The following AP3B2 variants were observed in gnomAD, a reference collection of about 807,000 sequenced individuals.
AP3B2 encodes the protein AP-3 complex subunit beta-2.
Under a neutral mutation model 126.9 loss-of-function variants are expected in AP3B2, and 50 were observed. That is an observed-to-expected ratio of 0.39 (90% CI 0.31 to 0.50). The LOEUF is 0.50. AP3B2 is among the 20% of genes least tolerant of loss of function. The pLI, the probability that AP3B2 is intolerant of heterozygous loss-of-function variation, is 0.79. For synonymous variants in AP3B2, 541 were observed against 565.0 expected, an observed-to-expected ratio of 0.96 and a Z score of 0.60; for missense variants, 1,177 against 1,426.4, an observed-to-expected ratio of 0.83 and a Z score of 2.82.
rs374804698 is a variant in AP3B2, at chr15:82,663,131, G to A, written c.2600C>T (p.Pro867Leu). ...GLTLTDSTLV[P>L]SLLSPVSGVG... ...CCCCTCCTCCATCCCACTCACCGACGGTACCAGGGTGGAGTCTGTGAGTGT... is the reference window on the plus strand; with the variant it reads ...CCCCTCCTCCATCCCACTCACCGACAGTACCAGGGTGGAGTCTGTGAGTGT... The change falls in exon 22 of 27, where the codon CCG becomes CTG. Residue 867 changes from proline to leucine, a missense_variant. Transcript: ENST00000535359. 21 of 1,609,336 alleles carry A rather than the reference G, an allele frequency of 1.3e-5. No individual in the cohort carries two copies. In the African/African-American group the frequency reaches 1.7e-4, roughly 13 times the overall value.
chr15:82,681,635 G>A lies in AP3B2; in HGVS notation c.361-55C>T, dbSNP rs2048340521. On this transcript the variant is annotated intron_variant, in intron 4 of 26. Coordinates refer to ENST00000535359, the MANE Select transcript of AP3B2 (RefSeq NM_001278512.2). This position sits in a 1 kb window ranked among gnomAD's most constrained non-coding sequence, Gnocchi z 4.0. ...AAAGGGCACCAGGTGCCCTGATGGGGGGAGGCCACACCTTTGGAAGTCACT... is the reference window on the plus strand; with the variant it reads ...AAAGGGCACCAGGTGCCCTGATGGGAGGAGGCCACACCTTTGGAAGTCACT... The A allele has an allele frequency of 6.4e-7, 1 of 1,574,036 alleles. No homozygotes were observed. The highest frequency in any genetic ancestry group is 1.1e-5 in the South Asian group (1 of 87,272).
Position 82,666,651 on chromosome 15 carries a change from G to C in AP3B2, c.1852+96C>G. Reference sequence around the variant, plus strand: ...GAGCAGGACTGTCCACAGAAGCCTGGTGCCTGGCTAGGGGCCTCAGGAAGG... The same window carrying C: ...GAGCAGGACTGTCCACAGAAGCCTGCTGCCTGGCTAGGGGCCTCAGGAAGG... On this transcript the variant is annotated intron_variant, in intron 15 of 26. Transcript: ENST00000535359. 2.2e-6 allele frequency: 3 copies of C among 1,371,396 alleles called. No individual in the cohort carries two copies. In the South Asian group the frequency reaches 4.3e-5, roughly 20 times the overall value. The allele number at this position is 1,371,396 out of a possible 1,614,324, so 85.0% of individuals were successfully genotyped here. A position where few individuals can be genotyped will look rare whatever the true frequency, so the allele number is the denominator to read the frequency against.
At position 82,682,047 on chromosome 15, in the gene AP3B2, CTT is replaced by C. The variant is rs769028602; in HGVS notation, c.361-469_361-468del. Among the ~76,000 whole-genome samples, 50 of 79,912 alleles carry C rather than the reference CTT, an allele frequency of 6.3e-4. No homozygotes were observed. In the East Asian group the frequency reaches 0.011, roughly 17 times the overall value. The allele number at this position is 79,912 out of a possible 152,430, so 52.4% of individuals were successfully genotyped here. On this transcript the variant is annotated intron_variant, in intron 4 of 26. Coordinates refer to ENST00000535359, the MANE Select transcript of AP3B2 (RefSeq NM_001278512.2). The stretch of plus-strand genomic sequence containing the variant: ...AACAAAATAGGGGTGTAGGCCCTTC[CTT>C]TTTTTTTTTTTTTTTTTTTTTGAGA...
intron 12 of AP3B2, 30 bp from the exon 13 acceptor site, chr15:82,677,413 CAA>C (rs773841346): frequency 6.3e-7 from 1 of 1,593,962 alleles, no homozygotes; most frequent in South Asian, 1.1e-5. Context: ...GTGTGGACCC[CAA>C]GACAGTCAGA....
intron 15 of AP3B2, among the ~76,000 whole-genome samples, chr15:82,666,117 A>G (rs77760817): frequency 3.9e-4 from 59 of 152,350 alleles, no homozygotes; most frequent in African/African-American, 1.3e-3. Context: ...AAAGATACCC[A>G]GAAGAACTGA....
At chr15:82,689,507 T>TA (rs1165279817) in intron 1 of AP3B2, 54 bp from the exon 2 acceptor site, 1 of 1,550,794 alleles carries the variant, frequency 6.4e-7, no homozygotes, top group African/African-American at 1.4e-5. Context: ...GATGGGGTAT[T>TA]AATCAGGAGG....
At chr15:82,694,010 G>A (rs1340996365) in intron 1 of AP3B2, among the ~76,000 whole-genome samples, 4 of 126,062 alleles carry the variant, frequency 3.2e-5, no homozygotes, top group Admixed American at 1.6e-4. Context: ...CCTTTTTTTC[G>A]TTTTTCTGTT....
At position 82,662,780 on chromosome 15, in the gene AP3B2, T is replaced by C. The variant is rs775341382; in HGVS notation, c.2747A>G (p.Asn916Ser). ...HMVSVHIHFSNSSDTPIKGLH... is the reference protein window; with the variant it reads ...HMVSVHIHFSSSSDTPIKGLH... ...GCCCTTGATGGGGGTATCAGAGCTG[T>C]TGGAGAAGTGGATGTGCACGGACAC... The change falls in exon 23 of 27, where the codon AAC becomes AGC. Residue 916 changes from asparagine (N) to serine (S), a missense_variant. Asn to Ser is a conservative substitution (Grantham distance 46). Transcript: ENST00000535359. 15 of 1,613,648 alleles carry C rather than the reference T, an allele frequency of 9.3e-6. No individual in the cohort carries two copies. Among genetic ancestry groups the C allele is most frequent in the African/African-American group, 1.3e-5 (1 of 74,894 alleles).
chr15:82,659,313 T>G lies in AP3B2; in HGVS notation c.*247A>C. 2.2e-6 allele frequency: 1 copy of G among 463,378 alleles called. No homozygotes were observed. Among genetic ancestry groups the G allele is most frequent in the Non-Finnish European group, 3.8e-6 (1 of 259,956 alleles). The allele number at this position is 463,378 out of a possible 1,614,324, so 28.7% of individuals were successfully genotyped here. Reference sequence around the variant, plus strand: ...AAGACATTTTATTGAGCCTGCTACATAAATAGCTACAGAAATCTGGGAGGA... The same window carrying G: ...AAGACATTTTATTGAGCCTGCTACAGAAATAGCTACAGAAATCTGGGAGGA... On this transcript the variant is annotated 3_prime_UTR_variant, in exon 27 of 27. Coordinates refer to ENST00000535359, the MANE Select transcript of AP3B2 (RefSeq NM_001278512.2).
At chr15:82,709,090 G>C (rs1436364695) in intron 1 of AP3B2, among the ~76,000 whole-genome samples, 1 of 152,154 alleles carries the variant, frequency 6.6e-6, no homozygotes, top group Non-Finnish European at 1.5e-5. Flanking sequence ...AGGGATGTGA[G>C]GGTCAGATGG....
chr15:82,687,078 A>ATTT (rs2048439943), intron 4 of AP3B2: 2 of 152,198 alleles, frequency 1.3e-5, no homozygotes, highest in African/African-American at 4.8e-5. Context: ...GAATGGTTTA[A>ATTT]AAAACACCCC....
Position 82,679,810 on chromosome 15 carries a change from G to T in AP3B2, c.1111-10C>A. On this transcript the variant is annotated splice_polypyrimidine_tract_variant and intron_variant, in intron 9 of 26. Coordinates refer to ENST00000535359, the MANE Select transcript of AP3B2 (RefSeq NM_001278512.2). ...AGGGCTCAAACATACCCTGGCACAA[G>T]AGAGGCAGCTAGGGAGCTCCACCGA... 6.2e-7 allele frequency: 1 copy of T among 1,613,522 alleles called. No homozygotes were observed.
chr15:82,707,793 C>A (rs992858167), intron 1 of AP3B2, among the ~76,000 whole-genome samples: 5 of 152,262 alleles, frequency 3.3e-5, no homozygotes, highest in East Asian at 3.9e-4. Flanking sequence ...TAATCCTATA[C>A]AACAAATGTT....
rs1434096229 is a variant in AP3B2 at position 82,681,189 on chromosome 15, A to T, written c.522-11T>A. 6.2e-7 allele frequency: 1 copy of T among 1,608,534 alleles called. No homozygotes were observed. The highest frequency in any genetic ancestry group is 8.5e-7 in the Non-Finnish European group (1 of 1,177,486). ...TGGTCAGAGTCCAAACTGAGGGAGA[A>T]ATCGGTGAGGGGAATTTGCCACTCT... On this transcript the variant is annotated splice_polypyrimidine_tract_variant and intron_variant, in intron 5 of 26. Transcript: ENST00000535359. The surrounding 1 kb of genome is among the most constrained non-coding windows in gnomAD (Gnocchi z 4.0).
At chr15:82,706,278 C>T (rs896079173) in intron 1 of AP3B2, among the ~76,000 whole-genome samples, 3 of 152,158 alleles carry the variant, frequency 2.0e-5, no homozygotes, top group Admixed American at 6.5e-5. Flanking sequence ...TAACTCATTG[C>T]CTTAACTCGA....
At position 82,664,960 on chromosome 15, in the gene AP3B2, G is replaced by T. The variant is rs1409252756; in HGVS notation, c.2029-17C>A. 4 of 1,563,264 alleles carry T rather than the reference G, an allele frequency of 2.6e-6. No homozygotes were observed. The highest frequency in any genetic ancestry group is 3.5e-6 in the Non-Finnish European group (4 of 1,141,896). On this transcript the variant is annotated splice_polypyrimidine_tract_variant and intron_variant, in intron 17 of 26. Transcript: ENST00000535359. The surrounding 1 kb of genome is among the most constrained non-coding windows in gnomAD (Gnocchi z 4.5). ...TTCAGGTACCTGGAGATGGGGGTAGGGTGCAGGGTCATTTCATCATGGTTG... is the reference window on the plus strand; with the variant it reads ...TTCAGGTACCTGGAGATGGGGGTAGTGTGCAGGGTCATTTCATCATGGTTG...
chr15:82,680,101 A>G lies in AP3B2; in HGVS notation c.1110+74T>C. 6.3e-7 allele frequency: 1 copy of G among 1,589,064 alleles called. No individual in the cohort carries two copies. On this transcript the variant is annotated intron_variant, in intron 9 of 26. Transcript: ENST00000535359. The surrounding 1 kb of genome is among the most constrained non-coding windows in gnomAD (Gnocchi z 6.1). ...CTTCCCTTTCCCCGGCCCCGGTCCC[A>G]GCCCCGACAACGCCTCCAGTGCCCG...
chr15:82,674,844 A>G (rs2048218368), intron 14 of AP3B2, among the ~76,000 whole-genome samples: 2 of 142,898 alleles, frequency 1.4e-5, no homozygotes, highest in Non-Finnish European at 1.5e-5. Context: ...TCCCACCTAC[A>G]TATATGTTAA....
intron 1 of AP3B2, among the ~76,000 whole-genome samples, chr15:82,706,227 G>A (rs571378797): frequency 8.6e-5 from 13 of 152,006 alleles, no homozygotes; most frequent in Non-Finnish European, 1.9e-4. Context: ...CACACCTGAC[G>A]CATATACTTT....
Sources: gnomAD v4.1 joint callset for allele counts (sites outside exome capture counted in the v4.1 genomes callset) on GRCh38, gnomAD v4.1.1 for gene constraint, Gnocchi (gnomAD v3.1) non-coding constraint, MANE v1.5 for transcripts, NCBI Gene and HGNC (gene_info 2026-07-23, HGNC 2026-07-21) for gene names.